TSPOAP1: variants seen among roughly 807,000 people sequenced by gnomAD.
TSPOAP1 encodes peripheral-type benzodiazepine receptor-associated protein 1.
A neutral mutation model predicts 197.0 loss-of-function variants in TSPOAP1; 87 were observed. The observed-to-expected ratio is 0.44, with a 90% confidence interval of 0.37 to 0.53. TSPOAP1 has a LOEUF of 0.53. TSPOAP1 is among the 20% of genes least tolerant of loss of function. TSPOAP1 has a pLI of 0.00. For missense variants in TSPOAP1, 2,174 were observed against 2,411.3 expected (o/e 0.90, Z 2.06); for synonymous variants, 913 against 998.9 (o/e 0.91, Z 1.62).
At position 58,310,116 on chromosome 17, in the gene TSPOAP1, G is replaced by A. The variant is rs866472574; in HGVS notation, c.3742C>T (p.Leu1248Phe). 9 of 1,613,196 alleles carry A rather than the reference G, an allele frequency of 5.6e-6. No homozygotes were observed. The African/African-American group carries it at 1.1e-4, about 19-fold the overall frequency. The change falls in exon 21 of 32, where the codon CTC (leucine) becomes TTC (phenylalanine). Residue 1248 changes from leucine (L) to phenylalanine (F), a missense_variant. Leu to Phe is a conservative substitution (Grantham distance 22, BLOSUM62 0). This residue lies in a region of TSPOAP1 where 1,933 missense variants were observed against 2,139.0 expected (regional missense o/e 0.90). Coordinates refer to ENST00000343736, the MANE Select transcript of TSPOAP1 (RefSeq NM_004758.4). ...AELGVHLVNS[L>F]VDHGRNSDLS... ...TCTGAGTTGCGGCCGTGGTCCACGAGGGAGTTCACCAGATGAACCCCAAGC... is the reference window on the plus strand; with the variant it reads ...TCTGAGTTGCGGCCGTGGTCCACGAAGGAGTTCACCAGATGAACCCCAAGC...
In TSPOAP1 at chr17:58,324,416, A is replaced by G. The variant is rs1435114798; in HGVS notation, c.942+395T>C. Among the ~76,000 whole-genome samples the G allele has an allele frequency of 6.6e-6, 1 of 151,988 alleles. No individual in the cohort carries two copies. Among genetic ancestry groups the G allele is most frequent in the Non-Finnish European group, 1.5e-5 (1 of 67,952 alleles). On this transcript the variant is annotated intron_variant, in intron 5 of 31. Coordinates refer to ENST00000343736, the MANE Select transcript of TSPOAP1 (RefSeq NM_004758.4). The surrounding 1 kb of genome is among the most constrained non-coding windows in gnomAD (Gnocchi z 5.8). The stretch of plus-strand genomic sequence containing the variant: ...CGGGTAGCTGGGGCCAGGCCTGGCC[A>G]GCCAGGCGGGCGCTGACGGGGGCGT...
chr17:58,309,274 G>C lies in TSPOAP1; in HGVS notation c.3998C>G (p.Pro1333Arg), dbSNP rs763956600. ...CTCCTCTTCCTCTTCCTCCTCCTCC[G>C]GGATGCTAAAGAGCTTCTTGCTACA... ...QFCSKKLFSI[P>R]EEEEEEEEDE... Residue 1333 changes from proline to arginine, a missense_variant, in exon 22 of 32, where the codon CCG becomes CGG. Physicochemically the swap from Pro to Arg is moderately radical, Grantham distance 103. This residue lies in a region of TSPOAP1 where 1,933 missense variants were observed against 2,139.0 expected (regional missense o/e 0.90). Transcript: ENST00000343736. The surrounding 1 kb of genome is among the most constrained non-coding windows in gnomAD (Gnocchi z 5.0). 2.5e-6 allele frequency: 4 copies of C among 1,613,110 alleles called. No individual in the cohort carries two copies. The South Asian group carries it at 4.4e-5, about 18-fold the overall frequency.
In TSPOAP1 at chr17:58,306,544, T is replaced by C. The variant is rs980966806; in HGVS notation, c.5153-131A>G. On this transcript the variant is annotated intron_variant, in intron 25 of 31. Transcript: ENST00000343736. ...CGTAAGGGCATTCATCTCCCATCCCTGACAAGAGCCCCACCCAACCTCCAG... is the reference window on the plus strand; with the variant it reads ...CGTAAGGGCATTCATCTCCCATCCCCGACAAGAGCCCCACCCAACCTCCAG... 5 of 1,013,912 alleles carry C rather than the reference T, an allele frequency of 4.9e-6. No individual in the cohort carries two copies. In the African/African-American group the frequency reaches 6.5e-5, roughly 13 times the overall value. 62.8% of individuals were successfully genotyped at this position (1,013,912 alleles called of 1,614,324 possible).
In TSPOAP1 at chr17:58,327,770, G is replaced by A; in HGVS notation, c.151C>T (p.Gln51Ter). ...SIADTPPAAL[Q>*]LQELRSEESS... ...TCCTCAGACCTCAGTTCTTGAAGCT[G>A]CAGAGCTGCCGGAGGAGTATCAGCG... is the stretch of plus-strand genomic sequence containing the variant. Residue 51 changes from glutamine (Q) to a stop codon, truncating the protein, a stop_gained, in exon 1 of 32, where the codon CAG becomes TAG. Transcript: ENST00000343736. LOFTEE classifies it high-confidence loss of function. The A allele has an allele frequency of 1.2e-6, 2 of 1,614,214 alleles. No homozygotes were observed. Among genetic ancestry groups the A allele is most frequent in the South Asian group, 1.1e-5 (1 of 91,090 alleles).
intron 26 of TSPOAP1, 119 bp downstream of exon 26, chr17:58,306,223 G>A: frequency 1.8e-6 from 2 of 1,092,808 alleles, no homozygotes; most frequent in Non-Finnish European, 2.7e-6. Flanking sequence ...CAGCCAAGCA[G>A]CGCCACCCAC....
rs115931266 is a variant in TSPOAP1 at position 58,307,261 on chromosome 17, G to A, written c.4984-293C>T. 6.4e-3 allele frequency among the ~76,000 whole-genome samples: 979 copies of A among 152,336 alleles called. 15 individuals carry two copies. The highest frequency in any genetic ancestry group is 0.02 in the African/African-American group (826 of 41,566). On this transcript the variant is annotated intron_variant, in intron 24 of 31. Transcript: ENST00000343736. Reference sequence around the variant, plus strand: ...ATGCCTTTAATCAATACTTGGAGGAGTAATAAAAATAGTAATGTCAGCAGC... The same window carrying A: ...ATGCCTTTAATCAATACTTGGAGGAATAATAAAAATAGTAATGTCAGCAGC...
At chr17:58,323,413 G>A (rs1971460050) in intron 6 of TSPOAP1, 32 bp from the exon 7 acceptor site, 1 of 1,614,248 alleles carries the variant, frequency 6.2e-7, no homozygotes. Flanking sequence ...CTCCTCATGA[G>A]GGAAGGTACA....
chr17:58,317,400 G>T (rs749596214), intron 14 of TSPOAP1, among the ~76,000 whole-genome samples: 1 of 152,132 alleles, frequency 6.6e-6, no homozygotes, highest in African/African-American at 2.4e-5. Flanking sequence ...ACAGCCCAGG[G>T]CACCGCAACC....
At position 58,322,393 on chromosome 17, in the gene TSPOAP1, TG is replaced by T; in HGVS notation, c.1336del (p.Gln446SerfsTer186). ...QVLKHMREVA[Q>X]RRQQLEVEHE... ...CTCCACCTCCAGCTGCTGCCGCCGC[TG>T]GGCCACCTCCCGCATGTGCTGAAAC... On this transcript the variant is annotated frameshift_variant, in exon 10 of 32. Coordinates refer to ENST00000343736, the MANE Select transcript of TSPOAP1 (RefSeq NM_004758.4). LOFTEE classifies it high-confidence loss of function. The surrounding 1 kb of genome is among the most constrained non-coding windows in gnomAD (Gnocchi z 5.0). 3 of 1,606,612 alleles carry T rather than the reference TG, an allele frequency of 1.9e-6. No individual in the cohort carries two copies.
In TSPOAP1 at chr17:58,304,899, TG is replaced by T. The variant is rs1436904709; in HGVS notation, c.5544+161del. 1 of 706,998 alleles carries T rather than the reference TG, an allele frequency of 1.4e-6. No homozygotes were observed. Among genetic ancestry groups the T allele is most frequent in the Non-Finnish European group, 2.6e-6 (1 of 386,258 alleles). 43.8% of individuals were successfully genotyped at this position (706,998 alleles called of 1,614,324 possible). A position where few individuals can be genotyped will look rare whatever the true frequency, so the allele number is the denominator to read the frequency against. ...CACATACTGGGGGGCAGCTGCTTGG[TG>T]GGGCTCCCCTCTGGTGGTCAATTAG... On this transcript the variant is annotated intron_variant, in intron 30 of 31. Coordinates refer to ENST00000343736, the MANE Select transcript of TSPOAP1 (RefSeq NM_004758.4). The surrounding 1 kb of genome is among the most constrained non-coding windows in gnomAD (Gnocchi z 4.2).
In TSPOAP1 at chr17:58,311,593, G is replaced by C; in HGVS notation, c.3059C>G (p.Ala1020Gly). 1 of 1,597,672 alleles carries C rather than the reference G, an allele frequency of 6.3e-7. No individual in the cohort carries two copies. The highest frequency in any genetic ancestry group is 8.5e-7 in the Non-Finnish European group (1 of 1,169,976). ...TACCTTCTGCCCATCAGCGTAGATG[G>C]CATAGCCTGTGACCCGGACACCGTT... is the stretch of plus-strand genomic sequence containing the variant. Reference protein sequence around the residue: ...TSNGVRVTGYAIYADGQKIME... With the variant: ...TSNGVRVTGYGIYADGQKIME... The change falls in exon 18 of 32, where the codon GCC (alanine) becomes GGC (glycine). Residue 1020 changes from alanine to glycine, a missense_variant. This residue lies in a region of TSPOAP1 where 1,933 missense variants were observed against 2,139.0 expected (regional missense o/e 0.90). Coordinates refer to ENST00000343736, the MANE Select transcript of TSPOAP1 (RefSeq NM_004758.4).
chr17:58,310,430 G>T, intron 20 of TSPOAP1, 82 bp downstream of exon 20: 2 of 1,566,726 alleles, frequency 1.3e-6, no homozygotes, highest in East Asian at 4.5e-5. Flanking sequence ...AGGCAGAGAG[G>T]GCAACTGGAT....
rs1359236868 is a variant in TSPOAP1, at chr17:58,327,692, G to T, written c.229C>A (p.Pro77Thr). The T allele has an allele frequency of 6.2e-7, 1 of 1,613,988 alleles. No homozygotes were observed. Among genetic ancestry groups the T allele is most frequent in the South Asian group, 1.1e-5 (1 of 91,092 alleles). The change falls in exon 1 of 32, where the codon CCT becomes ACT. Residue 77 changes from proline to threonine, a missense_variant. This residue lies in a region of TSPOAP1 where 1,933 missense variants were observed against 2,139.0 expected (regional missense o/e 0.90). Coordinates refer to ENST00000343736, the MANE Select transcript of TSPOAP1 (RefSeq NM_004758.4). Reference sequence around the variant, plus strand: ...GGCAGACAAGCCTCTGCTCCTTCAGGGTCAGTTCCCCCCACGGGCCTGGAG... The same window carrying T: ...GGCAGACAAGCCTCTGCTCCTTCAGTGTCAGTTCCCCCCACGGGCCTGGAG... ...GSSRPVGGTD[P>T]EGAEACLPSL...
chr17:58,302,987 A>G (rs1438931719), intron 31 of TSPOAP1: 1 of 152,340 alleles, frequency 6.6e-6, no homozygotes, highest in African/African-American at 2.4e-5. Flanking sequence ...ATGGGGAGGA[A>G]GATTGGGACT....
At chr17:58,305,011 C>T in intron 30 of TSPOAP1, 50 bp downstream of exon 30, 1 of 1,425,716 alleles carries the variant, frequency 7.0e-7, no homozygotes, top group Non-Finnish European at 9.9e-7. Flanking sequence ...TACCACCCCA[C>T]CAGTAGGGTA....
At chr17:58,321,672 C>T (rs910685359) in intron 10 of TSPOAP1, among the ~76,000 whole-genome samples, 1 of 152,182 alleles carries the variant, frequency 6.6e-6, no homozygotes, top group African/African-American at 2.4e-5. Context: ...GCATGCATCT[C>T]TGTCCAGACA....
rs1971025121 is a variant in TSPOAP1, at chr17:58,309,818, A to G, written c.3891+149T>C. 9.4e-7 allele frequency: 1 copy of G among 1,066,706 alleles called. No homozygotes were observed. The highest frequency in any genetic ancestry group is 1.7e-5 in the South Asian group (1 of 60,348). The allele number at this position is 1,066,706 out of a possible 1,614,324, so 66.1% of individuals were successfully genotyped here. A position where few individuals can be genotyped will look rare whatever the true frequency, so the allele number is the denominator to read the frequency against. ...GGAGGGCAGGGGCCAATCCTGGGGC[A>G]CTTCCTATCTTCTGCTTAGGACAGG... On this transcript the variant is annotated intron_variant, in intron 21 of 31. Coordinates refer to ENST00000343736, the MANE Select transcript of TSPOAP1 (RefSeq NM_004758.4). The surrounding 1 kb of genome is among the most constrained non-coding windows in gnomAD (Gnocchi z 5.0).
chr17:58,311,625 G>A lies in TSPOAP1; in HGVS notation c.3027C>T (p.Gly1009=). 6.2e-7 allele frequency: 1 copy of A among 1,610,744 alleles called. No homozygotes were observed. The highest frequency in any genetic ancestry group is 8.5e-7 in the Non-Finnish European group (1 of 1,177,794). Residue 1009 remains glycine, a synonymous_variant, in exon 18 of 32, where the codon GGC becomes GGT. Transcript: ENST00000343736. ...SWLPVTIDAA[G]TSNGVRVTGY... is the part of the protein sequence containing the mutation. Reference sequence around the variant, plus strand: ...CTGTGACCCGGACACCGTTGGATGTGCCAGCAGCATCGATGGTGACTGGGA... The same window carrying A: ...CTGTGACCCGGACACCGTTGGATGTACCAGCAGCATCGATGGTGACTGGGA...
intron 25 of TSPOAP1, 172 bp from the exon 26 acceptor site, chr17:58,306,585 G>T: frequency 1.1e-6 from 1 of 893,910 alleles, no homozygotes; most frequent in Non-Finnish European, 1.7e-6. Context: ...AAAATTCCTG[G>T]CTGCATGGCT....
Sources: allele counts gnomAD v4.1 joint callset (sites outside exome capture counted in the v4.1 genomes callset), GRCh38; gene constraint gnomAD v4.1.1; regional missense constraint gnomAD v4.1.1; non-coding constraint Gnocchi (gnomAD v3.1); transcripts MANE v1.5; gene names NCBI Gene and HGNC (gene_info 2026-07-23, HGNC 2026-07-21).